Variants in UPK1A observed in about 807,000 individuals in gnomAD.
UPK1A encodes uroplakin 1A.
A neutral mutation model predicts 32.3 loss-of-function variants in UPK1A; 31 were observed. That is an observed-to-expected ratio of 0.96 (90% CI 0.72 to 1.30). The LOEUF (loss-of-function observed/expected upper bound fraction) is 1.30. Among genes scored for constraint, UPK1A ranks in the 50% most tolerant of loss-of-function variants. The pLI is 0.00. For synonymous variants in UPK1A, 135 were observed against 137.1 expected (o/e 0.98, Z 0.11); for missense variants, 340 against 357.4 (o/e 0.95, Z 0.39).
At chr19:35,675,941 C>T in exon 6 of UPK1A, 5 of 1,613,948 alleles carry the variant, frequency 3.1e-6, no homozygotes, top group East Asian at 2.2e-5. Context: ...CCCCACTGTG[C>T]TGTCGCCGGA....
intron 2 of UPK1A, chr19:35,668,113 C>T (rs1968025860): frequency 1.3e-5 from 5 of 393,350 alleles, no homozygotes; most frequent in African/African-American, 2.1e-5. Flanking sequence ...TGGCCATGGC[C>T]ATGTTCCCCT....
chr19:35,666,836 G>A, exon 2 of UPK1A: 1 of 1,614,158 alleles, frequency 6.2e-7, no homozygotes, highest in Non-Finnish European at 8.5e-7. Flanking sequence ...CAGCAGCGGA[G>A]GCCGAGAAGG....
chr19:35,668,848 C>CTT lies in UPK1A; in HGVS notation c.285+207_285+208dup, dbSNP rs147337402. Among the ~76,000 whole-genome samples, 962 of 140,722 alleles carry CTT rather than the reference C, an allele frequency of 6.8e-3. 45 individuals are homozygous for CTT. In the East Asian group the frequency reaches 0.12, roughly 17 times the overall value. 92.3% of individuals were successfully genotyped at this position (140,722 alleles called of 152,430 possible). ...TTGAGTAGCAGAGCTGGGATTTTTT[C>CTT]TTTTTTTTTTTTTTGGTAAAGATGG... On this transcript the variant is annotated intron_variant, in intron 3 of 7. Coordinates refer to ENST00000617999, the Ensembl canonical transcript of UPK1A.
At chr19:35,678,031 G>C in exon 8 of UPK1A, 1 of 1,572,492 alleles carries the variant, frequency 6.4e-7, no homozygotes, top group Non-Finnish European at 8.6e-7. Flanking sequence ...GGACAGGAGG[G>C]GAAGGCAACA....
intron 1 of UPK1A, 78 bp from the exon 2 acceptor site, chr19:35,666,731 A>C (rs2146379513): frequency 6.9e-7 from 1 of 1,455,628 alleles, no homozygotes; most frequent in African/African-American, 1.4e-5. Context: ...AACCCCTCGA[A>C]GCCAGGGTGT....
At position 35,677,894 on chromosome 19, in the gene UPK1A, C is replaced by T. The variant is rs558251257; in HGVS notation, c.731C>T (p.Thr244Met). 261 of 1,397,998 alleles carry T rather than the reference C, an allele frequency of 1.9e-4. 3 individuals are homozygous for T. The Admixed American group carries it at 3.6e-3, about 19-fold the overall frequency. 86.6% of individuals were successfully genotyped at this position (1,397,998 alleles called of 1,614,324 possible). ...TTTGGGTTTGCCATCCTGATGTGGA[C>T]GGTGAGAGGCGGGGAGCCCACAGGC... Residue 244 changes from threonine (T) to methionine (M), a missense_variant and splice_region_variant, in exon 7 of 8, where the codon ACG becomes ATG. Thr to Met is a moderately conservative substitution (Grantham distance 81). Coordinates refer to ENST00000617999, the Ensembl canonical transcript of UPK1A.
rs34854874 is a variant in UPK1A, at chr19:35,669,499, T to TAAA, written c.285+865_285+867dup. ...GGCCAACATGGCGAAATCCCATCTC[T>TAAA]AAAAAAAAAAAAAAAAAAAAAATTA... On this transcript the variant is annotated intron_variant, in intron 3 of 7. Coordinates refer to ENST00000617999, the Ensembl canonical transcript of UPK1A. Among the ~76,000 whole-genome samples, 543 of 116,256 alleles carry TAAA rather than the reference T, an allele frequency of 4.7e-3. 4 individuals are homozygous for TAAA. The highest frequency in any genetic ancestry group is 0.016 in the African/African-American group (502 of 32,082). 76.3% of individuals were successfully genotyped at this position (116,256 alleles called of 152,430 possible).
At chr19:35,678,057 C>G (rs1968211187) in exon 8 of UPK1A, 1 of 1,527,530 alleles carries the variant, frequency 6.5e-7, no homozygotes, top group Non-Finnish European at 8.8e-7. Flanking sequence ...ACCCCGGACT[C>G]CTCCGCATCC....
intron 5 of UPK1A, among the ~76,000 whole-genome samples, chr19:35,675,512 C>T (rs1793558382): frequency 6.6e-6 from 1 of 152,044 alleles, no homozygotes; most frequent in Admixed American, 6.6e-5. Context: ...AACTCCTGAC[C>T]TCAGGTGATC....
chr19:35,677,492 C>T (rs183396918), intron 6 of UPK1A, among the ~76,000 whole-genome samples: 1 of 151,518 alleles, frequency 6.6e-6, no homozygotes, highest in East Asian at 1.9e-4. Flanking sequence ...TGCCACTGCA[C>T]TGTAGCCTGG....
In UPK1A at chr19:35,668,865, TA is replaced by T. The variant is rs535258136; in HGVS notation, c.285+214del. ...GATTTTTTCTTTTTTTTTTTTTTGGTAAAGATGGGGGTCTCACTATGTTGCC... is the reference window on the plus strand; with the variant it reads ...GATTTTTTCTTTTTTTTTTTTTTGGTAAGATGGGGGTCTCACTATGTTGCC... On this transcript the variant is annotated intron_variant, in intron 3 of 7. Transcript: ENST00000617999. Among the ~76,000 whole-genome samples, 830 of 142,506 alleles carry T rather than the reference TA, an allele frequency of 5.8e-3. 6 individuals carry two copies. Among genetic ancestry groups the T allele is most frequent in the African/African-American group, 0.02 (776 of 38,938 alleles). 93.5% of individuals were successfully genotyped at this position (142,506 alleles called of 152,430 possible). A position where few individuals can be genotyped will look rare whatever the true frequency, so the allele number is the denominator to read the frequency against.
exon 8 of UPK1A, chr19:35,678,070 C>T: frequency 6.6e-7 from 1 of 1,510,744 alleles, no homozygotes; most frequent in South Asian, 1.3e-5. Flanking sequence ...CCGCATCCTC[C>T]TCCTGCTTCC....
chr19:35,674,092 G>T (rs1968144960), intron 5 of UPK1A, among the ~76,000 whole-genome samples: 1 of 151,184 alleles, frequency 6.6e-6, no homozygotes, highest in African/African-American at 2.4e-5. Flanking sequence ...TTGTGGAGAT[G>T]GGGGTCTTGC....
chr19:35,668,652 A>C, exon 3 of UPK1A: 5 of 1,611,872 alleles, frequency 3.1e-6, no homozygotes, highest in Non-Finnish European at 4.2e-6. Context: ...CATGGTCCTC[A>C]CGGTGAGACT....
In UPK1A at chr19:35,668,563, G is replaced by A. The variant is rs904102373; in HGVS notation, c.194G>A (p.Trp65Ter). ...AAGGATGACGTCTTCGCTGGTGCCT[G>A]GATTGCCATCTTCTGCGGCTTCTCC... Residue 65 changes from tryptophan (W) to a stop codon, truncating the protein, a stop_gained, in exon 3 of 8, where the codon TGG becomes TAG. Coordinates refer to ENST00000617999, the Ensembl canonical transcript of UPK1A. LOFTEE classifies it high-confidence loss of function. 6 of 1,614,168 alleles carry A rather than the reference G, an allele frequency of 3.7e-6. No individual in the cohort carries two copies. Among genetic ancestry groups the A allele is most frequent in the Admixed American group, 1.7e-5 (1 of 60,004 alleles).
chr19:35,668,436 A>G lies in UPK1A; in HGVS notation c.85-18A>G. The G allele has an allele frequency of 6.2e-7, 1 of 1,613,660 alleles. No homozygotes were observed. On this transcript the variant is annotated intron_variant, in intron 2 of 7. Transcript: ENST00000617999. ...TGCTGGCCCCGAGCAGACCTTCCTA[A>G]CCCACCGCTCTGTCCAGCTGTCAGG...
At chr19:35,676,260 A>T (rs1467100085) in intron 6 of UPK1A, 1 of 642,524 alleles carries the variant, frequency 1.6e-6, no homozygotes, top group Non-Finnish European at 2.8e-6. Context: ...GCACAATCTC[A>T]GCTCACTGCA....
At chr19:35,674,309 C>T (rs986188467) in intron 5 of UPK1A, among the ~76,000 whole-genome samples, 20 of 141,908 alleles carry the variant, frequency 1.4e-4, no homozygotes, top group Admixed American at 1.5e-4. Context: ...TGCAGTGGCG[C>T]GATCTCGGCT....
exon 5 of UPK1A, chr19:35,673,454 C>A: frequency 6.2e-7 from 1 of 1,613,756 alleles, no homozygotes; most frequent in Non-Finnish European, 8.5e-7. Flanking sequence ...TCCAACCCAT[C>A]CCTGATCACC....
Sources: allele counts gnomAD v4.1 joint callset (sites outside exome capture counted in the v4.1 genomes callset), GRCh38; gene constraint gnomAD v4.1.1; transcripts MANE v1.5; gene names NCBI Gene and HGNC (gene_info 2026-07-23, HGNC 2026-07-21).